PCDHA3: variants seen among roughly 807,000 people sequenced by gnomAD.
PCDHA3 encodes the protein protocadherin alpha 3.
PCDHA3 carries 41 observed loss-of-function variants against 62.2 expected under a neutral mutation model. That is an observed-to-expected ratio of 0.66 (90% confidence interval 0.51 to 0.86). The LOEUF (loss-of-function observed/expected upper bound fraction) is 0.86, where lower values mean the gene tolerates loss of function less well. Among genes scored for constraint, PCDHA3 ranks in the 40% least tolerant of loss-of-function variants. PCDHA3 has a pLI of 0.00. For missense variants in PCDHA3, 1,304 were observed against 1,241.2 expected, an observed-to-expected ratio of 1.05 and a Z score of -0.76; for synonymous variants, 640 against 555.4, an observed-to-expected ratio of 1.15 and a Z score of -2.14.
At chr5:140,882,982 C>A (rs139888237) in intron 1 of PCDHA3, 2 of 1,614,148 alleles carry the variant, frequency 1.2e-6, no homozygotes, top group South Asian at 1.1e-5. Flanking sequence ...TGAATGACAA[C>A]GCCCCGGAAT....
chr5:140,836,534 G>T (rs1774544367), intron 1 of PCDHA3: 1 of 1,613,844 alleles, frequency 6.2e-7, no homozygotes, highest in Non-Finnish European at 8.5e-7. Flanking sequence ...CCCTGCTGCT[G>T]TACACGGCGT....
chr5:140,939,673 T>C (rs1235567287), intron 1 of PCDHA3, among the ~76,000 whole-genome samples: 1 of 152,196 alleles, frequency 6.6e-6, no homozygotes, highest in African/African-American at 2.4e-5. Context: ...CCAACTTGTA[T>C]GTATGTGTGT....
At chr5:140,858,617 AC>A (rs2045522200) in intron 1 of PCDHA3, 1 of 1,181,008 alleles carries the variant, frequency 8.5e-7, no homozygotes. Context: ...TTTTTATCCT[AC>A]CCAGTGTGTC....
chr5:140,967,528 T>C, intron 1 of PCDHA3: 3 of 1,613,146 alleles, frequency 1.9e-6, no homozygotes, highest in Non-Finnish European at 2.5e-6. Context: ...ACGACAACTC[T>C]CCTGCCTTTG....
chr5:140,884,113 G>T (rs782579609), intron 1 of PCDHA3: 15 of 1,613,390 alleles, frequency 9.3e-6, no homozygotes, highest in Admixed American at 3.3e-5. Context: ...AGCTGGCGGC[G>T]GTCGGCGCGC....
In PCDHA3 at chr5:140,849,498, A is replaced by T. The variant is rs1347480492; in HGVS notation, c.2394+45907A>T. On this transcript the variant is annotated intron_variant, in intron 1 of 3. Transcript: ENST00000522353. Reference sequence around the variant, plus strand: ...CTTCCCACCCCTGGCTGGTCATTGTACACTTCTTGTGGAAGTTGTGGATGT... The same window carrying T: ...CTTCCCACCCCTGGCTGGTCATTGTTCACTTCTTGTGGAAGTTGTGGATGT... 6.9e-6 allele frequency: 11 copies of T among 1,593,514 alleles called. 1 individual carries two copies. The highest frequency in any genetic ancestry group is 9.4e-6 in the Non-Finnish European group (11 of 1,165,148).
chr5:140,827,764 A>G (rs1376837793), intron 1 of PCDHA3, among the ~76,000 whole-genome samples: 1 of 152,256 alleles, frequency 6.6e-6, no homozygotes, highest in Non-Finnish European at 1.5e-5. Context: ...TTAAATTAAT[A>G]AAAGAAGTCG....
At chr5:140,877,864 A>ATATT in intron 1 of PCDHA3, 1 of 1,500,280 alleles carries the variant, frequency 6.7e-7, no homozygotes, top group East Asian at 2.4e-5. Flanking sequence ...TTATTTAGAT[A>ATATT]TATTTGTTTC....
At chr5:140,809,730 G>C in intron 1 of PCDHA3, 1 of 776,104 alleles carries the variant, frequency 1.3e-6, no homozygotes, top group Non-Finnish European at 2.0e-6. Context: ...TAGGACATCA[G>C]AGCAATATAT....
At chr5:140,863,065 G>C (rs2047759481) in intron 1 of PCDHA3, 1 of 566,972 alleles carries the variant, frequency 1.8e-6, no homozygotes, top group Non-Finnish European at 3.5e-6. Flanking sequence ...GTTCCACGTG[G>C]GGCTCTGCAC....
chr5:140,959,480 T>C (rs1554224103), intron 1 of PCDHA3, among the ~76,000 whole-genome samples: 1 of 152,222 alleles, frequency 6.6e-6, no homozygotes, highest in Non-Finnish European at 1.5e-5. Context: ...TCAAGGCATA[T>C]TGTTATATAT....
chr5:140,927,939 A>G (rs782391525), intron 1 of PCDHA3: 1 of 1,614,234 alleles, frequency 6.2e-7, no homozygotes, highest in Non-Finnish European at 8.5e-7. Flanking sequence ...CGAACCCAGT[A>G]CCTGAGGACG....
At chr5:140,828,402 T>C (rs1554131287) in intron 1 of PCDHA3, 3 of 1,614,248 alleles carry the variant, frequency 1.9e-6, no homozygotes, top group Non-Finnish European at 2.5e-6. Context: ...GAGTGCAGCA[T>C]CCACCTGGAG....
At chr5:140,879,303 G>A (rs2057936117) in intron 1 of PCDHA3, among the ~76,000 whole-genome samples, 1 of 152,184 alleles carries the variant, frequency 6.6e-6, no homozygotes. Flanking sequence ...AAAAACAAAA[G>A]TAGAAGTTGA....
chr5:140,930,453 C>G (rs1195640207), intron 1 of PCDHA3: 6 of 152,300 alleles, frequency 3.9e-5, no homozygotes, highest in African/African-American at 1.5e-4. Flanking sequence ...AAACTCCTAG[C>G]CTCAAGTGAT....
chr5:141,010,272 T>C lies in PCDHA3; in HGVS notation c.*335T>C. On this transcript the variant is annotated 3_prime_UTR_variant, in exon 4 of 4. Coordinates refer to ENST00000522353, the MANE Select transcript of PCDHA3 (RefSeq NM_018906.3). ...TCTCTGCCCTGTGCTCCGGGGATCC[T>C]GTCTTGATGACACTTGCAGGGCAGG... The C allele has an allele frequency of 6.4e-7, 1 of 1,551,508 alleles. No homozygotes were observed. Among genetic ancestry groups the C allele is most frequent in the Non-Finnish European group, 8.7e-7 (1 of 1,146,940 alleles).
intron 1 of PCDHA3, among the ~76,000 whole-genome samples, chr5:140,902,647 G>A (rs1286700570): frequency 6.6e-6 from 1 of 150,932 alleles, no homozygotes; most frequent in African/African-American, 2.4e-5. Context: ...CTGAGATTTT[G>A]GTGCACCTGT....
chr5:140,907,705 G>A (rs2073545190), intron 1 of PCDHA3, among the ~76,000 whole-genome samples: 1 of 152,204 alleles, frequency 6.6e-6, no homozygotes, highest in Non-Finnish European at 1.5e-5. Context: ...CCCTGTTGCT[G>A]AGCCCATGTG....
At chr5:140,856,041 A>G in intron 1 of PCDHA3, 1 of 1,569,530 alleles carries the variant, frequency 6.4e-7, no homozygotes, top group Non-Finnish European at 8.7e-7. Flanking sequence ...AAACAAGAGA[A>G]GGATAAGATG....
Sources: gnomAD v4.1 joint callset for allele counts (sites outside exome capture counted in the v4.1 genomes callset) on GRCh38, gnomAD v4.1.1 for gene constraint, MANE v1.5 for transcripts, NCBI Gene and HGNC (gene_info 2026-07-23, HGNC 2026-07-21) for gene names.